Variants in DPP6 observed in about 807,000 individuals in gnomAD.
DPP6 encodes the protein dipeptidyl peptidase like 6, also known as A-type potassium channel modulatory protein DPP6.
DPP6 carries 69 observed loss-of-function variants against 122.6 expected under a neutral mutation model. The observed-to-expected ratio is 0.56, with a 90% CI of 0.46 to 0.69. DPP6 has a LOEUF of 0.69. Ranked by LOEUF, DPP6 falls within the 30% of genes least tolerant of loss-of-function variation. The pLI is 0.00. For missense variants in DPP6, 928 were observed against 1,116.9 expected, an observed-to-expected ratio of 0.83 and a Z score of 2.41; for synonymous variants, 418 against 433.1, an observed-to-expected ratio of 0.97 and a Z score of 0.43.
chr7:153,812,980 A>T, the DPP6 span, among the ~76,000 whole-genome samples: 2 of 152,156 alleles, frequency 1.3e-5, no homozygotes, highest in Non-Finnish European at 2.9e-5. Context: ...AGGGTATAAA[A>T]CGCTGGAATC....
chr7:154,761,264 G>C (rs1035724328), intron 8 of DPP6, among the ~76,000 whole-genome samples: 1 of 152,238 alleles, frequency 6.6e-6, no homozygotes, highest in African/African-American at 2.4e-5. Context: ...AGAAGGGACT[G>C]AACAGTCTAG....
At chr7:153,820,799 C>T in the DPP6 span, among the ~76,000 whole-genome samples, 2 of 151,244 alleles carry the variant, frequency 1.3e-5, no homozygotes, top group African/African-American at 2.4e-5. Context: ...AAAGATGATA[C>T]AGGAAAAATT....
At chr7:153,828,120 C>T in the DPP6 span, among the ~76,000 whole-genome samples, 1 of 152,164 alleles carries the variant, frequency 6.6e-6, no homozygotes. Flanking sequence ...CCTTCCAAGA[C>T]CAAGTGCAGA....
the DPP6 span, among the ~76,000 whole-genome samples, chr7:153,808,231 G>T: frequency 2.6e-5 from 4 of 151,752 alleles, no homozygotes; most frequent in African/African-American, 9.7e-5. Flanking sequence ...GTGCGTGCCT[G>T]AGTGTGCGTG....
intron 1 of DPP6, among the ~76,000 whole-genome samples, chr7:154,083,131 G>C (rs2150532669): frequency 6.6e-6 from 1 of 152,138 alleles, no homozygotes; most frequent in South Asian, 2.1e-4. Context: ...TTACAGGCGT[G>C]AGCCACCGTG....
chr7:153,954,792 C>T (rs1166887567), intron 1 of DPP6, among the ~76,000 whole-genome samples: 8 of 152,166 alleles, frequency 5.3e-5, no homozygotes, highest in African/African-American at 1.7e-4. Context: ...GTTGGTCTCT[C>T]CCATGCAATT....
chr7:154,754,306 C>CTT (rs1039294347), intron 8 of DPP6, among the ~76,000 whole-genome samples: 3 of 152,120 alleles, frequency 2.0e-5, no homozygotes, highest in Non-Finnish European at 2.9e-5. Flanking sequence ...AAGGCTATAA[C>CTT]TTTGTTTTGT....
intron 2 of DPP6, among the ~76,000 whole-genome samples, chr7:154,461,698 C>T (rs1821316369): frequency 6.6e-6 from 1 of 152,088 alleles, no homozygotes; most frequent in Admixed American, 6.6e-5. Flanking sequence ...ATCTTTTGCC[C>T]ATTTTTAATT....
intron 1 of DPP6, among the ~76,000 whole-genome samples, chr7:154,217,859 G>A (rs763163198): frequency 2.6e-5 from 4 of 152,148 alleles, no homozygotes; most frequent in Non-Finnish European, 4.4e-5. Context: ...GTTCCTCCAC[G>A]CTGCCCAAGC....
At chr7:154,056,656 A>G (rs1800839860) in intron 1 of DPP6, among the ~76,000 whole-genome samples, 1 of 152,176 alleles carries the variant, frequency 6.6e-6, no homozygotes, top group Non-Finnish European at 1.5e-5. Context: ...ACTGGGATAG[A>G]TGGGCAAATC....
At chr7:153,752,862 T>C in the DPP6 span, among the ~76,000 whole-genome samples, 43 of 149,392 alleles carry the variant, frequency 2.9e-4, no homozygotes, top group Non-Finnish European at 5.3e-4. Context: ...AAGTAACAAA[T>C]GCAGGACATA....
chr7:154,039,400 T>G (rs1270927304), intron 1 of DPP6, among the ~76,000 whole-genome samples: 1 of 121,624 alleles, frequency 8.2e-6, no homozygotes, highest in Admixed American at 8.3e-5. Context: ...GCAGAAGTGA[T>G]CATCTGAGGC....
At chr7:153,783,699 G>C in the DPP6 span, among the ~76,000 whole-genome samples, 3 of 152,194 alleles carry the variant, frequency 2.0e-5, no homozygotes, top group African/African-American at 7.2e-5. Context: ...GATGATCAGA[G>C]AGTAATTCAT....
At chr7:154,260,729 C>A (rs1242096017) in intron 1 of DPP6, among the ~76,000 whole-genome samples, 1 of 144,444 alleles carries the variant, frequency 6.9e-6, no homozygotes, top group Non-Finnish European at 1.5e-5. Context: ...ATATAAAATA[C>A]ATATATATGT....
rs537969454 is a variant in DPP6, at chr7:154,802,695, G to A, written c.1408-1169G>A. Among the ~76,000 whole-genome samples, 19 of 152,188 alleles carry A rather than the reference G, an allele frequency of 1.2e-4. No individual in the cohort carries two copies. In the South Asian group the frequency reaches 3.7e-3, roughly 30 times the overall value. ...AACATGGCGAAACAAAAATTAGCTGGGCATGGTGGCACCTGCCTGTAGTCC... is the reference window on the plus strand; with the variant it reads ...AACATGGCGAAACAAAAATTAGCTGAGCATGGTGGCACCTGCCTGTAGTCC... On this transcript the variant is annotated intron_variant, in intron 13 of 25. Coordinates refer to ENST00000377770, the MANE Select transcript of DPP6 (RefSeq NM_130797.4).
chr7:153,969,853 A>G (rs1377152712), intron 1 of DPP6, among the ~76,000 whole-genome samples: 4 of 151,206 alleles, frequency 2.6e-5, no homozygotes, highest in African/African-American at 7.4e-5. Context: ...TTTACACCCC[A>G]GCCCTTGGAA....
intron 1 of DPP6, among the ~76,000 whole-genome samples, chr7:154,039,269 C>T (rs1799652920): frequency 6.8e-6 from 1 of 146,930 alleles, no homozygotes; most frequent in South Asian, 2.1e-4. Context: ...GGTACATTGC[C>T]AGTTTACAGG....
chr7:154,222,574 G>C (rs899780289), intron 1 of DPP6, among the ~76,000 whole-genome samples: 1 of 148,754 alleles, frequency 6.7e-6, no homozygotes, highest in Non-Finnish European at 1.5e-5. Flanking sequence ...AGAATCAATT[G>C]AACCCGGGAG....
At chr7:154,817,447 A>C (rs577508185) in intron 16 of DPP6, among the ~76,000 whole-genome samples, 6 of 152,208 alleles carry the variant, frequency 3.9e-5, no homozygotes, top group South Asian at 2.1e-4. Flanking sequence ...ATATGATGTC[A>C]TGAACATCAT....
Sources: gnomAD v4.1 joint callset for allele counts (sites outside exome capture counted in the v4.1 genomes callset) on GRCh38, gnomAD v4.1.1 for gene constraint, MANE v1.5 for transcripts, NCBI Gene and HGNC (gene_info 2026-07-23, HGNC 2026-07-21) for gene names.